Variants in CTNNA2 observed in about 807,000 individuals in gnomAD.
The protein encoded by CTNNA2 is catenin alpha-2.
Under a neutral mutation model 101.0 loss-of-function variants are expected in CTNNA2, and 42 were observed. The ratio of observed to expected loss-of-function variants is 0.42; its 90% CI spans 0.32 to 0.54. CTNNA2 has a LOEUF of 0.54. Among genes scored for constraint, CTNNA2 ranks in the 20% least tolerant of loss-of-function variants. The pLI, the probability that CTNNA2 is intolerant of heterozygous loss-of-function variation, is 0.14. For synonymous variants in CTNNA2, 450 were observed against 456.4 expected (o/e 0.99, Z 0.18); for missense variants, 871 against 1,223.1 (o/e 0.71, Z 4.29).
chr2:79,396,174 CT>C (rs201418747), intron 4 of CTNNA2, among the ~76,000 whole-genome samples: 3 of 150,684 alleles, frequency 2.0e-5, no homozygotes, highest in African/African-American at 2.4e-5. Flanking sequence ...TTTTCTTTTT[CT>C]TTTTTTTTGA....
intron 2 of CTNNA2, among the ~76,000 whole-genome samples, chr2:79,305,823 A>G (rs999592064): frequency 6.6e-6 from 1 of 152,130 alleles, no homozygotes; most frequent in African/African-American, 2.4e-5. Flanking sequence ...AGGCAGGTGG[A>G]TCACGAGGTC....
rs924631804 is a variant in CTNNA2 at position 79,697,958 on chromosome 2, A to G, written c.102+46300A>G. On this transcript the variant is annotated intron_variant, in intron 2 of 18. Transcript: ENST00000402739. ...TTTAAAAACAATGACTTTAAAAACA[A>G]TGACAAAACCATTCAACATTAACTT... 2.6e-5 allele frequency: 4 copies of G among 152,048 alleles called. No homozygotes were observed. In the East Asian group the frequency reaches 5.8e-4, roughly 22 times the overall value. The allele number at this position is 152,048 out of a possible 1,614,324, so 9.4% of individuals were successfully genotyped here. A position where few individuals can be genotyped will look rare whatever the true frequency, so the allele number is the denominator to read the frequency against.
intron 9 of CTNNA2, among the ~76,000 whole-genome samples, chr2:80,489,485 A>G (rs1686865717): frequency 6.6e-6 from 1 of 152,206 alleles, no homozygotes; most frequent in Admixed American, 6.5e-5. Context: ...TCAGTAGATC[A>G]TCCTGAACAT....
At chr2:79,752,877 C>G (rs1460353545) in intron 3 of CTNNA2, among the ~76,000 whole-genome samples, 1 of 152,088 alleles carries the variant, frequency 6.6e-6, no homozygotes, top group Non-Finnish European at 1.5e-5. Context: ...AATTATAATA[C>G]AAAGAAAGAC....
chr2:80,608,722 T>C (rs1437639528), intron 17 of CTNNA2, among the ~76,000 whole-genome samples: 1 of 151,826 alleles, frequency 6.6e-6, no homozygotes, highest in East Asian at 1.9e-4. Context: ...GTTCACATGT[T>C]AGAGATGATG....
chr2:80,202,419 C>G (rs958348563), intron 7 of CTNNA2, among the ~76,000 whole-genome samples: 14 of 152,146 alleles, frequency 9.2e-5, no homozygotes, highest in Admixed American at 6.5e-4. Flanking sequence ...AAGGAGCTAC[C>G]ACTCCAGCCT....
At position 80,624,252 on chromosome 2, in the gene CTNNA2, G is replaced by A. The variant is rs534373995; in HGVS notation, c.2574+5024G>A. ...AAGTGAACTTCCTTGGAAAAAAAACGTGTATGTCAGCATTCTCATCATGAC... is the reference window on the plus strand; with the variant it reads ...AAGTGAACTTCCTTGGAAAAAAAACATGTATGTCAGCATTCTCATCATGAC... On this transcript the variant is annotated intron_variant, in intron 18 of 18. Coordinates refer to ENST00000402739, the MANE Select transcript of CTNNA2 (RefSeq NM_001282597.3). 3.6e-4 allele frequency among the ~76,000 whole-genome samples: 55 copies of A among 150,942 alleles called. No individual in the cohort carries two copies. In the South Asian group the frequency reaches 0.01, roughly 29 times the overall value.
At chr2:80,433,028 A>G (rs1053101682) in intron 9 of CTNNA2, among the ~76,000 whole-genome samples, 1 of 152,086 alleles carries the variant, frequency 6.6e-6, no homozygotes, top group Non-Finnish European at 1.5e-5. Context: ...ATGGATCAAT[A>G]GTTTTGCAAA....
chr2:79,382,946 T>G (rs1678056555), intron 4 of CTNNA2, among the ~76,000 whole-genome samples: 1 of 152,248 alleles, frequency 6.6e-6, no homozygotes, highest in Admixed American at 6.5e-5. Flanking sequence ...ATGTCTTATC[T>G]CGGAGTATTT....
At chr2:79,564,172 T>A (rs886442630) in intron 1 of CTNNA2, among the ~76,000 whole-genome samples, 1 of 152,120 alleles carries the variant, frequency 6.6e-6, no homozygotes, top group Non-Finnish European at 1.5e-5. Flanking sequence ...GAGCTGATAT[T>A]GTAAAGAACA....
rs139521758 is a variant in CTNNA2, at chr2:80,040,521, A to G, written c.1056+130724A>G. The stretch of plus-strand genomic sequence containing the variant: ...TAAAGGGGCTGTTCCTGTACACTGC[A>G]TTTTCACCTTCACCATTATTCAAAT... On this transcript the variant is annotated intron_variant, in intron 7 of 18. Coordinates refer to ENST00000402739, the MANE Select transcript of CTNNA2 (RefSeq NM_001282597.3). 7.0e-4 allele frequency among the ~76,000 whole-genome samples: 107 copies of G among 152,276 alleles called. 1 individual carries two copies. The East Asian group carries it at 0.014, about 19-fold the overall frequency.
intron 7 of CTNNA2, among the ~76,000 whole-genome samples, chr2:79,930,012 A>G (rs1687280725): frequency 6.6e-6 from 1 of 152,052 alleles, no homozygotes; most frequent in South Asian, 2.1e-4. Flanking sequence ...TAAGGTGGAC[A>G]GATCACCTGA....
intron 13 of CTNNA2, among the ~76,000 whole-genome samples, chr2:80,578,406 G>A (rs558069368): frequency 4.4e-4 from 67 of 152,164 alleles, no homozygotes; most frequent in African/African-American, 1.5e-3. Flanking sequence ...TGATAGAAGC[G>A]TAATCTTCCT....
chr2:80,376,385 G>A (rs1573885565), intron 7 of CTNNA2, among the ~76,000 whole-genome samples: 1 of 151,408 alleles, frequency 6.6e-6, no homozygotes, highest in African/African-American at 2.4e-5. Flanking sequence ...ACTTTTGCCA[G>A]CTACTGGACT....
At chr2:79,979,411 T>C (rs1481590445) in intron 7 of CTNNA2, among the ~76,000 whole-genome samples, 1 of 151,956 alleles carries the variant, frequency 6.6e-6, no homozygotes. Context: ...ATAACATGAG[T>C]GTGGGCCTGT....
intron 3 of CTNNA2, among the ~76,000 whole-genome samples, chr2:79,794,073 C>T (rs543864896): frequency 5.9e-5 from 9 of 151,992 alleles, no homozygotes; most frequent in South Asian, 2.1e-4. Flanking sequence ...TCTCACAAAT[C>T]GCCACCAAAG....
intron 9 of CTNNA2, among the ~76,000 whole-genome samples, chr2:80,542,395 T>A (rs1482486976): frequency 2.0e-5 from 3 of 152,186 alleles, no homozygotes; most frequent in Non-Finnish European, 4.4e-5. Flanking sequence ...TCTTGAATTT[T>A]CTGTAAATTG....
At chr2:79,687,430 G>A (rs1684005817) in intron 2 of CTNNA2, 3 of 499,340 alleles carry the variant, frequency 6.0e-6, no homozygotes, top group Non-Finnish European at 1.0e-5. Flanking sequence ...TCCATAAAAG[G>A]TCATTTGGAT....
chr2:79,399,571 A>G lies in CTNNA2; in HGVS notation c.-135+25558A>G, dbSNP rs574188464. ...ACAACAAAGAATACAGACTTTACAT[A>G]ATAGTCCAGATAAGTCAATAAACGA... On this transcript the variant is annotated intron_variant, in intron 4 of 21. Transcript: ENST00000466387. Among the ~76,000 whole-genome samples the G allele has an allele frequency of 3.9e-5, 6 of 152,226 alleles. No individual in the cohort carries two copies. In the South Asian group the frequency reaches 1.2e-3, roughly 32 times the overall value.
Sources: gnomAD v4.1 joint callset for allele counts (sites outside exome capture counted in the v4.1 genomes callset) on GRCh38, gnomAD v4.1.1 for gene constraint, MANE v1.5 for transcripts, NCBI Gene and HGNC (gene_info 2026-07-23, HGNC 2026-07-21) for gene names.